The following KIAA0825 variants were observed in gnomAD, a reference collection of about 807,000 sequenced individuals.
The protein encoded by KIAA0825 is KIAA0825.
KIAA0825 carries 119 observed loss-of-function variants against 147.6 expected under a neutral mutation model. The observed-to-expected ratio is 0.81, with a 90% CI of 0.69 to 0.94. The LOEUF (loss-of-function observed/expected upper bound fraction) is 0.94. Ranked by LOEUF, KIAA0825 falls within the 40% of genes least tolerant of loss-of-function variation. KIAA0825 has a pLI of 0.00. For synonymous variants in KIAA0825, 470 were observed against 518.1 expected (o/e 0.91, Z 1.26); for missense variants, 1,381 against 1,472.7 (o/e 0.94, Z 1.02).
chr5:94,581,165 G>C (rs770505889), intron 2 of KIAA0825, among the ~76,000 whole-genome samples: 28 of 152,116 alleles, frequency 1.8e-4, no homozygotes, highest in Non-Finnish European at 3.8e-4. Flanking sequence ...TATATCTATA[G>C]AGGTGATAAC....
chr5:94,467,433 T>C (rs1306889849), intron 10 of KIAA0825, among the ~76,000 whole-genome samples: 1 of 152,232 alleles, frequency 6.6e-6, no homozygotes, highest in Non-Finnish European at 1.5e-5. Context: ...AGCCACTCAA[T>C]ATTATCTTTG....
chr5:94,318,246 T>C (rs780241103), intron 20 of KIAA0825, among the ~76,000 whole-genome samples: 4 of 151,824 alleles, frequency 2.6e-5, no homozygotes, highest in Non-Finnish European at 4.4e-5. Flanking sequence ...GTTAGTCTAT[T>C]ATAGATTATA....
intron 2 of KIAA0825, among the ~76,000 whole-genome samples, chr5:94,539,242 G>T (rs1584823178): frequency 6.6e-6 from 1 of 152,180 alleles, no homozygotes; most frequent in African/African-American, 2.4e-5. Flanking sequence ...TCCACCCCTT[G>T]TTTGGCATAT....
intron 20 of KIAA0825, among the ~76,000 whole-genome samples, chr5:94,281,929 A>T (rs145904066): frequency 3.9e-4 from 59 of 152,082 alleles, no homozygotes; most frequent in African/African-American, 1.3e-3. Flanking sequence ...CCACCTTCCA[A>T]GTCTGACTTA....
intron 5 of KIAA0825, among the ~76,000 whole-genome samples, chr5:94,509,130 T>C (rs950890291): frequency 6.6e-6 from 1 of 152,198 alleles, no homozygotes; most frequent in Non-Finnish European, 1.5e-5. Context: ...TTATCAGATA[T>C]ACTGATCACA....
At chr5:94,164,994 G>A (rs1306389823) in intron 20 of KIAA0825, among the ~76,000 whole-genome samples, 4 of 152,132 alleles carry the variant, frequency 2.6e-5, no homozygotes, top group Non-Finnish European at 2.9e-5. Flanking sequence ...GGCAACCAAA[G>A]CGAAAATTGA....
At chr5:94,407,821 A>G (rs1752263315) in intron 15 of KIAA0825, among the ~76,000 whole-genome samples, 1 of 152,204 alleles carries the variant, frequency 6.6e-6, no homozygotes, top group Non-Finnish European at 1.5e-5. Context: ...CTTTAAAAGG[A>G]TGAAATTTAT....
At chr5:94,341,418 C>T (rs1782367153) in intron 20 of KIAA0825, among the ~76,000 whole-genome samples, 1 of 152,232 alleles carries the variant, frequency 6.6e-6, no homozygotes, top group Non-Finnish European at 1.5e-5. Flanking sequence ...GCTGCTATCT[C>T]TTTCATCATC....
intron 2 of KIAA0825, chr5:94,570,761 T>C (rs1182599323): frequency 2.6e-5 from 4 of 152,244 alleles, no homozygotes; most frequent in Non-Finnish European, 1.5e-5. Flanking sequence ...AGAGAAAAAG[T>C]ACTTGACTTC....
At chr5:94,433,793 A>G (rs1025231807) in intron 14 of KIAA0825, among the ~76,000 whole-genome samples, 1 of 152,242 alleles carries the variant, frequency 6.6e-6, no homozygotes, top group African/African-American at 2.4e-5. Flanking sequence ...TGCTGCTATT[A>G]TATTACAAAT....
chr5:94,213,236 T>C (rs916344695), intron 20 of KIAA0825, among the ~76,000 whole-genome samples: 2 of 152,098 alleles, frequency 1.3e-5, no homozygotes, highest in South Asian at 2.1e-4. Context: ...TAGGAGAAAT[T>C]TGGGCATCAT....
At chr5:94,224,395 CCAT>C (rs1211694233) in intron 20 of KIAA0825, among the ~76,000 whole-genome samples, 2 of 151,628 alleles carry the variant, frequency 1.3e-5, no homozygotes, top group African/African-American at 4.8e-5. Flanking sequence ...TGTCCCTTGC[CCAT>C]CAACTGCATT....
At chr5:94,320,462 C>T (rs916026277) in intron 20 of KIAA0825, among the ~76,000 whole-genome samples, 1 of 150,846 alleles carries the variant, frequency 6.6e-6, no homozygotes, top group Non-Finnish European at 1.5e-5. Flanking sequence ...ATTGACCAAC[C>T]TGTCTTCATC....
At chr5:94,178,708 T>C (rs1263309485) in intron 20 of KIAA0825, among the ~76,000 whole-genome samples, 1 of 152,010 alleles carries the variant, frequency 6.6e-6, no homozygotes, top group Non-Finnish European at 1.5e-5. Flanking sequence ...TATAGACAGG[T>C]GGGAATGCAA....
intron 20 of KIAA0825, among the ~76,000 whole-genome samples, chr5:94,246,130 T>C (rs1775598804): frequency 6.6e-6 from 1 of 152,190 alleles, no homozygotes; most frequent in Non-Finnish European, 1.5e-5. Flanking sequence ...TTCAAGAACA[T>C]TTTATTGTTT....
At chr5:94,158,736 C>T (rs1767273449) in intron 20 of KIAA0825, among the ~76,000 whole-genome samples, 7 of 152,120 alleles carry the variant, frequency 4.6e-5, no homozygotes. Context: ...CCCTTATAAG[C>T]AGTGTGGCCT....
intron 2 of KIAA0825, among the ~76,000 whole-genome samples, chr5:94,546,792 CAAAAAAAA>C (rs372542896): frequency 4.0e-5 from 2 of 49,654 alleles, no homozygotes; most frequent in Non-Finnish European, 7.3e-5. Flanking sequence ...GTCCAGGCAC[CAAAAAAAA>C]AAAAAAAAAA....
At chr5:94,386,726 G>T (rs568376656) in intron 18 of KIAA0825, among the ~76,000 whole-genome samples, 1 of 152,262 alleles carries the variant, frequency 6.6e-6, no homozygotes, top group East Asian at 1.9e-4. Context: ...ATATTAACGT[G>T]TCTGGTTACC....
At chr5:94,571,894 G>C (rs964128209) in intron 2 of KIAA0825, among the ~76,000 whole-genome samples, 3 of 152,122 alleles carry the variant, frequency 2.0e-5, no homozygotes, top group Non-Finnish European at 4.4e-5. Flanking sequence ...TAAATAAGTA[G>C]TTGTAGTTTT....
Sources: gnomAD v4.1 joint callset for allele counts (sites outside exome capture counted in the v4.1 genomes callset) on GRCh38, gnomAD v4.1.1 for gene constraint, MANE v1.5 for transcripts, NCBI Gene and HGNC (gene_info 2026-07-23, HGNC 2026-07-21) for gene names.